The following ABCA6 variants were observed in gnomAD, a reference collection of about 807,000 sequenced individuals.
ABCA6 encodes ATP-binding cassette sub-family A member 6.
In ABCA6, 164 loss-of-function variants were observed where a neutral mutation model predicts 191.2. That is an observed-to-expected ratio of 0.86 (90% CI 0.76 to 0.98). The LOEUF (loss-of-function observed/expected upper bound fraction) is 0.98, where lower values mean the gene tolerates loss of function less well. ABCA6 is among the 50% of genes least tolerant of loss of function. The pLI is 0.00. For synonymous variants in ABCA6, 636 were observed against 647.7 expected (o/e 0.98, Z 0.27); for missense variants, 1,958 against 1,894.1 (o/e 1.03, Z -0.63).
intron 12 of ABCA6, 58 bp downstream of exon 12, chr17:69,115,318 T>C: frequency 1.5e-6 from 2 of 1,290,498 alleles, no homozygotes; most frequent in Non-Finnish European, 2.2e-6. Flanking sequence ...GAGAGGCATA[T>C]GCTTGACCTC....
chr17:69,104,022 T>C (rs926566906), intron 20 of ABCA6: 1 of 145,188 alleles, frequency 6.9e-6, no homozygotes, highest in African/African-American at 2.6e-5. Flanking sequence ...TACAGGAACA[T>C]GCACATAGAA....
chr17:69,115,488 T>C lies in ABCA6; in HGVS notation c.1496-2A>G, dbSNP rs773956159. The C allele has an allele frequency of 1.0e-5, 16 of 1,603,358 alleles. No individual in the cohort carries two copies. The highest frequency in any genetic ancestry group is 1.4e-5 in the Non-Finnish European group (16 of 1,174,470). Reference sequence around the variant, plus strand: ...CTTCATATATGTCAAAGAGCAAGCCTATTTTTAGAACAAATTGTTAACAAA... The same window carrying C: ...CTTCATATATGTCAAAGAGCAAGCCCATTTTTAGAACAAATTGTTAACAAA... On this transcript the variant is annotated splice_acceptor_variant, in intron 11 of 38. Transcript: ENST00000284425. LOFTEE classifies it high-confidence loss of function.
chr17:69,085,825 T>C (rs942804517), intron 30 of ABCA6, 109 bp from the exon 31 acceptor site: 4 of 726,008 alleles, frequency 5.5e-6, no homozygotes, highest in Non-Finnish European at 9.5e-6. Context: ...GTTAGTACCA[T>C]TTTGAGATTG....
At chr17:69,103,046 T>C (rs1598461995) in intron 20 of ABCA6, 78 bp from the exon 21 acceptor site, 1 of 807,868 alleles carries the variant, frequency 1.2e-6, no homozygotes, top group East Asian at 2.9e-5. Context: ...GTCATATACA[T>C]AATTAAAGTT....
intron 27 of ABCA6, among the ~76,000 whole-genome samples, chr17:69,089,204 AG>A (rs1197496592): frequency 6.6e-6 from 1 of 152,206 alleles, no homozygotes; most frequent in Non-Finnish European, 1.5e-5. Flanking sequence ...ATTTTTTACA[AG>A]CTCTCTCAAA....
At chr17:69,109,172 T>C (rs532364004) in intron 17 of ABCA6, 1 of 152,216 alleles carries the variant, frequency 6.6e-6, no homozygotes, top group East Asian at 1.9e-4. Context: ...TTAAGGTAGG[T>C]CTATAGGGAG....
chr17:69,084,943 T>C, intron 32 of ABCA6, 85 bp downstream of exon 32: 1 of 1,469,590 alleles, frequency 6.8e-7, no homozygotes, highest in Non-Finnish European at 9.0e-7. Context: ...GCATATTGAC[T>C]CTCGGTTCTT....
intron 21 of ABCA6, among the ~76,000 whole-genome samples, 189 bp from the exon 22 acceptor site, chr17:69,101,123 A>C (rs932425489): frequency 1.3e-5 from 2 of 152,204 alleles, no homozygotes; most frequent in African/African-American, 4.8e-5. Context: ...ATAGGGCTTA[A>C]ATGACACTCT....
chr17:69,119,922 T>C (rs1039231877), intron 10 of ABCA6, among the ~76,000 whole-genome samples: 15 of 152,028 alleles, frequency 9.9e-5, no homozygotes, highest in Admixed American at 9.8e-4. Context: ...TACTTTTATA[T>C]AAAAATTAAA....
chr17:69,123,320 T>C lies in ABCA6; in HGVS notation c.1355A>G (p.Glu452Gly), dbSNP rs773436301. The change falls in exon 10 of 39, where the codon GAG becomes GGG. Residue 452 changes from glutamate (E) to glycine (G), a missense_variant. By Grantham distance (98) the Glu-to-Gly change is moderately conservative. Coordinates refer to ENST00000284425, the MANE Select transcript of ABCA6 (RefSeq NM_080284.3). ...QHQRTNAKVI[E>G]KEIDAEHPSD... ...GGGATGCTCAGCATCGATTTCTTTC[T>C]CAATAACCTTAGCATTAGTCCTTTG... The C allele has an allele frequency of 1.3e-6, 2 of 1,578,238 alleles. No homozygotes were observed. The highest frequency in any genetic ancestry group is 1.7e-4 in the Middle Eastern group (1 of 5,904).
intron 14 of ABCA6, 101 bp downstream of exon 14, chr17:69,113,517 T>C: frequency 6.3e-7 from 1 of 1,579,048 alleles, no homozygotes; most frequent in South Asian, 1.2e-5. Context: ...GGTTCTCTCT[T>C]GATGCATTAC....
chr17:69,085,583 A>G (rs2072763448), intron 31 of ABCA6, 42 bp downstream of exon 31: 1 of 1,365,498 alleles, frequency 7.3e-7, no homozygotes, highest in Non-Finnish European at 1.0e-6. Flanking sequence ...TATACGTATC[A>G]TGAAATTCCT....
At chr17:69,085,283 T>G in intron 31 of ABCA6, 101 bp from the exon 32 acceptor site, 3 of 1,112,636 alleles carry the variant, frequency 2.7e-6, no homozygotes, top group Non-Finnish European at 3.8e-6. Context: ...TGTTTAAGCA[T>G]CAAATAAATA....
intron 6 of ABCA6, 82 bp from the exon 7 acceptor site, chr17:69,129,833 A>C: frequency 9.7e-7 from 1 of 1,025,720 alleles, no homozygotes. Context: ...CTAAAGAACA[A>C]TGTAATGACT....
In ABCA6 at chr17:69,100,926, TC is replaced by T; in HGVS notation, c.2882del (p.Arg961AsnfsTer18). On this transcript the variant is annotated frameshift_variant, in exon 22 of 39. Coordinates refer to ENST00000284425, the MANE Select transcript of ABCA6 (RefSeq NM_080284.3). LOFTEE classifies it high-confidence loss of function. ...IIVSGKQKDY[R>X]FSVVCNTKRL... ...TCTTGGTATTACACACAACTGAAAA[TC>T]TATAATCCTTAAAACAGAAACAAAT... 1 of 1,588,318 alleles carries T rather than the reference TC, an allele frequency of 6.3e-7. No individual in the cohort carries two copies. The highest frequency in any genetic ancestry group is 8.6e-7 in the Non-Finnish European group (1 of 1,165,844).
intron 21 of ABCA6, among the ~76,000 whole-genome samples, chr17:69,101,542 G>A (rs1261047439): frequency 6.6e-6 from 1 of 151,346 alleles, no homozygotes; most frequent in Non-Finnish European, 1.5e-5. Context: ...GTTGTAGTGA[G>A]CTGCGATCAC....
At chr17:69,131,926 C>T (rs1336456682) in intron 6 of ABCA6, among the ~76,000 whole-genome samples, 2 of 152,114 alleles carry the variant, frequency 1.3e-5, no homozygotes, top group East Asian at 3.9e-4. Context: ...AAAGAAGGCC[C>T]CTTTTACAGG....
rs2073965039 is a variant in ABCA6, at chr17:69,137,308, G to A, written c.289C>T (p.Pro97Ser). The change falls in exon 3 of 39, where the codon CCT (proline) becomes TCT (serine). Residue 97 changes from proline to serine, a missense_variant. Physicochemically the swap from Pro to Ser is moderately conservative, Grantham distance 74. Transcript: ENST00000284425. Reference protein sequence around the residue: ...QQIMNKTALAPLLKGTSVIGA... With the variant: ...QQIMNKTALASLLKGTSVIGA... ...TGAGTACACCTACCTTTCAAAAGAG[G>A]AGCAAGTGCTGTTTTATTCATTATC... 1.2e-6 allele frequency: 2 copies of A among 1,612,150 alleles called. No individual in the cohort carries two copies. The highest frequency in any genetic ancestry group is 1.7e-6 in the Non-Finnish European group (2 of 1,179,448).
chr17:69,141,194 A>G (rs556373828), intron 1 of ABCA6, among the ~76,000 whole-genome samples: 8 of 152,204 alleles, frequency 5.3e-5, no homozygotes, highest in Non-Finnish European at 1.2e-4. Flanking sequence ...CACTAGATAC[A>G]ACCTCAATAA....
Sources: gnomAD v4.1 joint callset for allele counts (sites outside exome capture counted in the v4.1 genomes callset) on GRCh38, gnomAD v4.1.1 for gene constraint, MANE v1.5 for transcripts, NCBI Gene and HGNC (gene_info 2026-07-23, HGNC 2026-07-21) for gene names.